NPTN: variants seen among roughly 807,000 people sequenced by gnomAD.
NPTN encodes neuroplastin.
A neutral mutation model predicts 42.7 loss-of-function variants in NPTN; 5 were observed. That is an observed-to-expected ratio of 0.12 (90% CI 0.06 to 0.25). NPTN has a LOEUF of 0.25. Ranked by LOEUF, NPTN falls within the 10% of genes least tolerant of loss-of-function variation. The pLI is 1.00. For missense variants in NPTN, 307 were observed against 525.4 expected, an observed-to-expected ratio of 0.58 and a Z score of 4.06; for synonymous variants, 180 against 201.9, an observed-to-expected ratio of 0.89 and a Z score of 0.92.
chr15:73,604,704 T>A (rs1342633815), intron 1 of NPTN, among the ~76,000 whole-genome samples: 4 of 152,228 alleles, frequency 2.6e-5, no homozygotes, highest in Non-Finnish European at 5.9e-5. Context: ...GGACAATGAT[T>A]CCTATCTTCT....
chr15:73,579,674 A>C (rs977900980), intron 4 of NPTN, among the ~76,000 whole-genome samples: 49 of 152,052 alleles, frequency 3.2e-4, no homozygotes, highest in Non-Finnish European at 5.9e-5. Flanking sequence ...GAGGAGGAGA[A>C]CACCACTTCC....
intron 1 of NPTN, among the ~76,000 whole-genome samples, chr15:73,609,523 C>T (rs1364656969): frequency 6.6e-6 from 1 of 152,018 alleles, no homozygotes; most frequent in Non-Finnish European, 1.5e-5. Context: ...CCCAGCTACT[C>T]GGGTGGCTGA....
At chr15:73,621,500 T>C (rs1595968781) in intron 1 of NPTN, among the ~76,000 whole-genome samples, 1 of 152,190 alleles carries the variant, frequency 6.6e-6, no homozygotes, top group East Asian at 1.9e-4. Flanking sequence ...TTTAAAAATA[T>C]AGCAGTTTAT....
rs889365639 is a variant in NPTN at position 73,560,505 on chromosome 15, G to A, written c.*558C>T. 2.6e-5 allele frequency: 4 copies of A among 152,202 alleles called. No homozygotes were observed. Among genetic ancestry groups the A allele is most frequent in the Non-Finnish European group, 4.4e-5 (3 of 67,958 alleles). The allele number at this position is 152,202 out of a possible 1,614,324, so 9.4% of individuals were successfully genotyped here. A position where few individuals can be genotyped will look rare whatever the true frequency, so the allele number is the denominator to read the frequency against. On this transcript the variant is annotated 3_prime_UTR_variant, in exon 9 of 9. Transcript: ENST00000345330. ...TTCAGTTTATATTACTCATCTTTATGTACCAGAACTGCACAATTTCCTCAT... is the reference window on the plus strand; with the variant it reads ...TTCAGTTTATATTACTCATCTTTATATACCAGAACTGCACAATTTCCTCAT...
chr15:73,593,989 C>T (rs985199019), intron 2 of NPTN, among the ~76,000 whole-genome samples: 5 of 152,080 alleles, frequency 3.3e-5, no homozygotes, highest in Non-Finnish European at 5.9e-5. Flanking sequence ...CAATGGAAGG[C>T]GCACACACAC....
intron 3 of NPTN, 117 bp from the exon 4 acceptor site, chr15:73,587,735 A>T (rs1896386792): frequency 5.7e-6 from 4 of 702,338 alleles, no homozygotes; most frequent in Non-Finnish European, 9.9e-6. Context: ...AATGCAACTC[A>T]CCTCCTTCTA....
intron 3 of NPTN, among the ~76,000 whole-genome samples, chr15:73,591,163 G>A (rs1009518385): frequency 1.3e-5 from 2 of 152,046 alleles, no homozygotes; most frequent in African/African-American, 4.8e-5. Context: ...CTAAATAAGG[G>A]GTGTGAAAAG....
intron 1 of NPTN, among the ~76,000 whole-genome samples, chr15:73,620,570 A>C (rs887542936): frequency 2.0e-5 from 3 of 152,208 alleles, no homozygotes; most frequent in African/African-American, 7.2e-5. Context: ...CCCGCTTCCT[A>C]TACCACTTTC....
At chr15:73,621,134 G>T (rs1238239864) in intron 1 of NPTN, among the ~76,000 whole-genome samples, 1 of 151,994 alleles carries the variant, frequency 6.6e-6, no homozygotes, top group Non-Finnish European at 1.5e-5. Context: ...ACCTATCTCG[G>T]GGAGGAGAGA....
At chr15:73,632,284 G>T (rs918436227) in intron 1 of NPTN, among the ~76,000 whole-genome samples, 16 of 129,730 alleles carry the variant, frequency 1.2e-4, no homozygotes, top group Non-Finnish European at 3.2e-5. Flanking sequence ...CTATACCCAG[G>T]CCTCCTTACT....
intron 1 of NPTN, among the ~76,000 whole-genome samples, chr15:73,611,799 T>G (rs1897594483): frequency 6.6e-6 from 1 of 152,096 alleles, no homozygotes; most frequent in Admixed American, 6.5e-5. Context: ...CTGTAACAAA[T>G]GTACCACTCT....
chr15:73,604,222 G>A (rs1320177548), intron 1 of NPTN, among the ~76,000 whole-genome samples: 1 of 152,184 alleles, frequency 6.6e-6, no homozygotes, highest in Non-Finnish European at 1.5e-5. Context: ...TCAGCACTTT[G>A]GGAGGCCAAG....
chr15:73,563,036 T>C (rs1355178868), intron 7 of NPTN, among the ~76,000 whole-genome samples, 200 bp downstream of exon 7: 1 of 152,086 alleles, frequency 6.6e-6, no homozygotes, highest in Non-Finnish European at 1.5e-5. Context: ...GTATGGCCAC[T>C]GGAAAACAAG....
rs1896889286 is a variant in NPTN at position 73,597,617 on chromosome 15, G to A, written c.92-248C>T. 1.3e-5 allele frequency among the ~76,000 whole-genome samples: 2 copies of A among 152,214 alleles called. No individual in the cohort carries two copies. Among genetic ancestry groups the A allele is most frequent in the South Asian group, 4.1e-4 (2 of 4,824 alleles). ...CTAATTACAAGCTGGGGCAGCCCAG[G>A]TGCTGGCCAGGCAGAAGCAAGCCCA... On this transcript the variant is annotated intron_variant, in intron 1 of 8. Coordinates refer to ENST00000345330, the MANE Select transcript of NPTN (RefSeq NM_012428.4). The surrounding 1 kb of genome is among the most constrained non-coding windows in gnomAD (Gnocchi z 6.3).
At chr15:73,629,800 GAA>G (rs1052316616) in intron 1 of NPTN, among the ~76,000 whole-genome samples, 2 of 149,742 alleles carry the variant, frequency 1.3e-5, no homozygotes, top group African/African-American at 4.9e-5. Flanking sequence ...TACTCTATGA[GAA>G]AGTGATACCT....
chr15:73,619,822 A>G (rs911698166), intron 1 of NPTN, among the ~76,000 whole-genome samples: 7 of 152,240 alleles, frequency 4.6e-5, no homozygotes, highest in Non-Finnish European at 1.5e-5. Context: ...CTTTAAAACA[A>G]CAGATTAAAA....
chr15:73,626,595 A>G (rs533793328), intron 1 of NPTN, among the ~76,000 whole-genome samples: 1 of 152,320 alleles, frequency 6.6e-6, no homozygotes, highest in African/African-American at 2.4e-5. Context: ...AAGGCATAAC[A>G]ATTTATATAT....
chr15:73,612,379 A>C (rs1897626807), intron 1 of NPTN, among the ~76,000 whole-genome samples: 1 of 150,014 alleles, frequency 6.7e-6, no homozygotes, highest in Admixed American at 6.7e-5. Context: ...TGATCACACC[A>C]CTGCACTCTA....
chr15:73,615,514 A>T (rs887356354), intron 1 of NPTN, among the ~76,000 whole-genome samples: 2 of 152,184 alleles, frequency 1.3e-5, no homozygotes, highest in Admixed American at 1.3e-4. Context: ...ACTGACAGCA[A>T]TGCTTTTACT....
Sources: allele counts gnomAD v4.1 joint callset (sites outside exome capture counted in the v4.1 genomes callset), GRCh38; gene constraint gnomAD v4.1.1; non-coding constraint Gnocchi (gnomAD v3.1); transcripts MANE v1.5; gene names NCBI Gene and HGNC (gene_info 2026-07-23, HGNC 2026-07-21).